The following SYT16 variants were observed in gnomAD, a reference collection of about 807,000 sequenced individuals.
SYT16 encodes synaptotagmin 16, also known as synaptotagmin-16.
In SYT16, 42 loss-of-function variants were observed where a neutral mutation model predicts 61.4. That is an observed-to-expected ratio of 0.68 (90% confidence interval 0.53 to 0.89). The LOEUF (loss-of-function observed/expected upper bound fraction) is 0.89, where lower values mean the gene tolerates loss of function less well. SYT16 is among the 40% of genes least tolerant of loss of function. SYT16 has a pLI of 0.00. For missense variants in SYT16, 804 were observed against 807.3 expected, an observed-to-expected ratio of 1.00 and a Z score of 0.05; for synonymous variants, 314 against 302.3, an observed-to-expected ratio of 1.04 and a Z score of -0.40.
chr14:61,854,660 C>A lies in SYT16; in HGVS notation c.-325+41850C>A, dbSNP rs146291626. 4.7e-4 allele frequency among the ~76,000 whole-genome samples: 71 copies of A among 152,284 alleles called. 1 individual carries two copies. The highest frequency in any genetic ancestry group is 8.5e-4 in the Admixed American group (13 of 15,290). ...AACTGGTTTCCTTGGACTCCTTTGA[C>A]CAATTTAGCAAAGTGAGGAAAGAGA... On this transcript the variant is annotated intron_variant, in intron 1 of 7. Transcript: ENST00000683842.
chr14:62,004,474 T>C (rs929014896), intron 3 of SYT16, among the ~76,000 whole-genome samples: 1 of 151,986 alleles, frequency 6.6e-6, no homozygotes, highest in African/African-American at 2.4e-5. Flanking sequence ...CTGTAAACAG[T>C]TGGGAATCTT....
At chr14:61,925,553 A>C (rs1215921620) in intron 1 of SYT16, among the ~76,000 whole-genome samples, 4 of 152,228 alleles carry the variant, frequency 2.6e-5, no homozygotes, top group Non-Finnish European at 5.9e-5. Flanking sequence ...TCTCATTGTA[A>C]TTAATGTACA....
intron 1 of SYT16, among the ~76,000 whole-genome samples, chr14:61,912,072 T>C (rs2048953926): frequency 6.6e-6 from 1 of 152,170 alleles, no homozygotes; most frequent in Non-Finnish European, 1.5e-5. Flanking sequence ...ATTTTCAAGA[T>C]GATTATGGGA....
At chr14:62,026,515 CT>C (rs1423990408) in intron 3 of SYT16, among the ~76,000 whole-genome samples, 1 of 152,150 alleles carries the variant, frequency 6.6e-6, no homozygotes, top group Non-Finnish European at 1.5e-5. Flanking sequence ...TGTCTTAGTC[CT>C]ATTCAGGAAG....
At position 62,111,555 on chromosome 14, in the gene SYT16, G is replaced by A. The variant is rs2057609395; in HGVS notation, c.*10848G>A. 2 of 152,048 alleles carry A rather than the reference G, an allele frequency of 1.3e-5. No individual in the cohort carries two copies. The highest frequency in any genetic ancestry group is 2.9e-5 in the Non-Finnish European group (2 of 67,942). The allele number at this position is 152,048 out of a possible 1,614,324, so 9.4% of individuals were successfully genotyped here. Reference sequence around the variant, plus strand: ...TTTTGTGGATAGTTAAGTATAACATGGTTTAGTATAAAATCTGGTCTTCCT... The same window carrying A: ...TTTTGTGGATAGTTAAGTATAACATAGTTTAGTATAAAATCTGGTCTTCCT... On this transcript the variant is annotated 3_prime_UTR_variant, in exon 8 of 8. Transcript: ENST00000683842.
At chr14:62,088,763 A>AT (rs1258391569) in intron 7 of SYT16, among the ~76,000 whole-genome samples, 1 of 152,192 alleles carries the variant, frequency 6.6e-6, no homozygotes, top group Non-Finnish European at 1.5e-5. Context: ...AAATAAAACA[A>AT]TCGAAAACTT....
At chr14:61,901,159 A>C (rs933710257) in intron 1 of SYT16, among the ~76,000 whole-genome samples, 2 of 152,186 alleles carry the variant, frequency 1.3e-5, no homozygotes, top group East Asian at 1.9e-4. Context: ...TCTTTGCACT[A>C]TCTGCTCTAA....
At chr14:61,921,815 G>C (rs554371771) in intron 1 of SYT16, among the ~76,000 whole-genome samples, 1 of 152,204 alleles carries the variant, frequency 6.6e-6, no homozygotes, top group African/African-American at 2.4e-5. Context: ...ACACCTCAAA[G>C]CACATGCCCT....
At chr14:62,065,812 C>G (rs2056037775) in intron 3 of SYT16, among the ~76,000 whole-genome samples, 1 of 152,122 alleles carries the variant, frequency 6.6e-6, no homozygotes, top group Non-Finnish European at 1.5e-5. Flanking sequence ...ATGCATTGGT[C>G]CATCGCATCC....
chr14:61,985,878 T>C (rs1305745901), intron 2 of SYT16, among the ~76,000 whole-genome samples: 2 of 152,132 alleles, frequency 1.3e-5, no homozygotes, highest in Admixed American at 1.3e-4. Context: ...ATAGTTATGT[T>C]TGAAACAAAA....
At position 61,995,952 on chromosome 14, in the gene SYT16, G is replaced by A. The variant is rs1955406146; in HGVS notation, c.-68G>A. The A allele has an allele frequency of 6.9e-7, 1 of 1,451,912 alleles. No individual in the cohort carries two copies. The highest frequency in any genetic ancestry group is 9.3e-7 in the Non-Finnish European group (1 of 1,080,502). The allele number at this position is 1,451,912 out of a possible 1,614,324, so 89.9% of individuals were successfully genotyped here. The stretch of plus-strand genomic sequence containing the variant: ...AATTTCTCAACATGCTTATTCTATA[G>A]TTCACATTCAATCCAGAGCACTGAA... On this transcript the variant is annotated 5_prime_UTR_variant, in exon 3 of 8. It removes the in-frame stop codon of an upstream open reading frame in the 5' UTR. Coordinates refer to ENST00000683842, the MANE Select transcript of SYT16 (RefSeq NM_001367656.1).
chr14:62,049,835 A>G (rs1184720545), intron 3 of SYT16, among the ~76,000 whole-genome samples: 1 of 152,222 alleles, frequency 6.6e-6, no homozygotes, highest in Non-Finnish European at 1.5e-5. Flanking sequence ...TTCTGCCAAG[A>G]GATCAGCTGT....
chr14:61,995,996 AC>A lies in SYT16; in HGVS notation c.-23del, dbSNP rs1471890674. 58 of 1,551,044 alleles carry A rather than the reference AC, an allele frequency of 3.7e-5. No individual in the cohort carries two copies. The African/African-American group carries it at 5.1e-4, about 14-fold the overall frequency. On this transcript the variant is annotated 5_prime_UTR_variant, in exon 3 of 8. The change creates a new upstream start codon in the 5' untranslated region. Transcript: ENST00000683842. ...CACTGAAGGAACTGAACAACTGGACACTGTAGACATCAGATAGCTGGCCATG... is the reference window on the plus strand; with the variant it reads ...CACTGAAGGAACTGAACAACTGGACATGTAGACATCAGATAGCTGGCCATG...
intron 3 of SYT16, among the ~76,000 whole-genome samples, chr14:62,043,438 T>C (rs1296438043): frequency 2.0e-5 from 3 of 149,950 alleles, no homozygotes; most frequent in Non-Finnish European, 4.4e-5. Flanking sequence ...GATGGAGTGT[T>C]TCTCTGTCGC....
At chr14:62,048,552 C>G (rs1185008462) in intron 3 of SYT16, among the ~76,000 whole-genome samples, 2 of 152,176 alleles carry the variant, frequency 1.3e-5, no homozygotes, top group East Asian at 1.9e-4. Flanking sequence ...TTCTCTGGTT[C>G]TTTTAATTGT....
Position 62,075,087 on chromosome 14 carries a change from G to T in SYT16, c.737-48G>T, listed in dbSNP as rs761749682. 5.8e-6 allele frequency: 9 copies of T among 1,543,834 alleles called. No homozygotes were observed. In the South Asian group the frequency reaches 9.6e-5, roughly 17 times the overall value. ...ATTACTCAATTTCTCTAGGTAAAAA[G>T]GTGTTAAAAATAATGCATTTGAAAT... On this transcript the variant is annotated intron_variant, in intron 4 of 7. Transcript: ENST00000683842.
At chr14:62,060,594 T>C (rs1186086506) in intron 3 of SYT16, among the ~76,000 whole-genome samples, 1 of 152,008 alleles carries the variant, frequency 6.6e-6, no homozygotes, top group Non-Finnish European at 1.5e-5. Flanking sequence ...TTGGTTTTTC[T>C]TTTTTATTGT....
chr14:61,969,603 C>T (rs2051459679), intron 1 of SYT16, among the ~76,000 whole-genome samples: 2 of 152,170 alleles, frequency 1.3e-5, no homozygotes, highest in Admixed American at 6.6e-5. Context: ...TGTTGATAAC[C>T]ATGATCAAAT....
chr14:61,950,832 C>A (rs2050641136), intron 1 of SYT16, among the ~76,000 whole-genome samples: 1 of 152,218 alleles, frequency 6.6e-6, no homozygotes, highest in East Asian at 1.9e-4. Context: ...GTAAATACTT[C>A]TAGTAGAGAA....
Sources: gnomAD v4.1 joint callset for allele counts (sites outside exome capture counted in the v4.1 genomes callset) on GRCh38, gnomAD v4.1.1 for gene constraint, MANE v1.5 for transcripts, NCBI Gene and HGNC (gene_info 2026-07-23, HGNC 2026-07-21) for gene names.